Variants in PLEKHF2 observed in about 807,000 individuals in gnomAD.
The protein encoded by PLEKHF2 is pleckstrin homology and FYVE domain containing 2, also known as pleckstrin homology domain-containing family F member 2.
PLEKHF2 carries 4 observed loss-of-function variants against 14.7 expected under a neutral mutation model. That is an observed-to-expected ratio of 0.27 (90% CI 0.13 to 0.62). The LOEUF is 0.62. Ranked by LOEUF, PLEKHF2 falls within the 20% of genes least tolerant of loss-of-function variation. PLEKHF2 has a pLI of 0.85. For missense variants in PLEKHF2, 201 were observed against 307.7 expected, an observed-to-expected ratio of 0.65 and a Z score of 2.60; for synonymous variants, 90 against 103.5, an observed-to-expected ratio of 0.87 and a Z score of 0.79.
chr8:95,136,333 T>TACACAC (rs34457137), intron 1 of PLEKHF2, among the ~76,000 whole-genome samples: 37 of 124,006 alleles, frequency 3.0e-4, no homozygotes, highest in East Asian at 1.6e-3. Context: ...TTATTATATA[T>TACACAC]ACACACACAC....
chr8:95,141,215 C>T (rs1413093680), intron 1 of PLEKHF2, among the ~76,000 whole-genome samples: 1 of 152,186 alleles, frequency 6.6e-6, no homozygotes, highest in African/African-American at 2.4e-5. Context: ...TAGCTTTACT[C>T]TTCTATATCC....
Position 95,154,031 on chromosome 8 carries a change from G to T in PLEKHF2, c.-14G>T. 1.3e-6 allele frequency: 2 copies of T among 1,525,112 alleles called. No homozygotes were observed. The highest frequency in any genetic ancestry group is 1.8e-6 in the Non-Finnish European group (2 of 1,136,580). The allele number at this position is 1,525,112 out of a possible 1,614,324, so 94.5% of individuals were successfully genotyped here. A position where few individuals can be genotyped will look rare whatever the true frequency, so the allele number is the denominator to read the frequency against. ...AATTTCTTTTTCTTTTTTTTAAAAG[G>T]CTATTAGTGAAAGATGGTGGATCGC... On this transcript the variant is annotated splice_region_variant and 5_prime_UTR_variant, in exon 2 of 2. Transcript: ENST00000315367. This position sits in a 1 kb window ranked among gnomAD's most constrained non-coding sequence, Gnocchi z 5.6.
In PLEKHF2 at chr8:95,139,039, A is replaced by G. The variant is rs888836566; in HGVS notation, c.-15+5009A>G. 3.3e-5 allele frequency among the ~76,000 whole-genome samples: 5 copies of G among 152,338 alleles called. No homozygotes were observed. In the East Asian group the frequency reaches 7.7e-4, roughly 23 times the overall value. ...GAATATAAGGGTCCATTTTTACCAC[A>G]TCTTAGGTGAGTAATATATGAATAT... On this transcript the variant is annotated intron_variant, in intron 1 of 1. Transcript: ENST00000315367.
intron 1 of PLEKHF2, among the ~76,000 whole-genome samples, chr8:95,141,193 G>A (rs746607729): frequency 1.5e-4 from 23 of 152,102 alleles, no homozygotes; most frequent in Non-Finnish European, 2.6e-4. Context: ...CTAAAACCCT[G>A]GAGATTAATT....
intron 1 of PLEKHF2, among the ~76,000 whole-genome samples, chr8:95,136,278 T>C (rs1051714978): frequency 6.6e-6 from 1 of 152,010 alleles, no homozygotes; most frequent in African/African-American, 2.4e-5. Context: ...TGTAGTCTTT[T>C]TCCCAATACA....
intron 1 of PLEKHF2, among the ~76,000 whole-genome samples, chr8:95,139,276 G>A (rs1810413632): frequency 6.6e-6 from 1 of 152,158 alleles, no homozygotes; most frequent in Non-Finnish European, 1.5e-5. Flanking sequence ...GGCCAAGATG[G>A]GCAGGTCAGA....
At chr8:95,139,844 A>G (rs2132105407) in intron 1 of PLEKHF2, among the ~76,000 whole-genome samples, 1 of 143,898 alleles carries the variant, frequency 6.9e-6, no homozygotes, top group African/African-American at 2.6e-5. Context: ...CCCACTGCTG[A>G]TTGTGACCTT....
Position 95,154,577 on chromosome 8 carries a change from G to T in PLEKHF2, c.533G>T (p.Cys178Phe). The T allele has an allele frequency of 6.2e-7, 1 of 1,614,134 alleles. No homozygotes were observed. The change falls in exon 2 of 2, where the codon TGT (cysteine) becomes TTT (phenylalanine). Residue 178 changes from cysteine to phenylalanine, a missense_variant. Physicochemically the swap from Cys to Phe is radical, Grantham distance 205 (BLOSUM62 -2). Coordinates refer to ENST00000315367, the MANE Select transcript of PLEKHF2 (RefSeq NM_024613.4). This position sits in a 1 kb window ranked among gnomAD's most constrained non-coding sequence, Gnocchi z 5.6. The stretch of plus-strand genomic sequence containing the variant: ...AATCGTCGCCACCATTGCCGCAAAT[G>T]TGGTTTTGTTGTCTGTGGGCCCTGC... ...PVNRRHHCRKCGFVVCGPCSE... is the reference protein window; with the variant it reads ...PVNRRHHCRKFGFVVCGPCSE...
chr8:95,149,107 T>G (rs1810531935), intron 1 of PLEKHF2, among the ~76,000 whole-genome samples: 1 of 152,088 alleles, frequency 6.6e-6, no homozygotes, highest in South Asian at 2.1e-4. Flanking sequence ...ATGCAAGTGA[T>G]TAATAAACAC....
intron 1 of PLEKHF2, among the ~76,000 whole-genome samples, chr8:95,135,494 C>T (rs909756333): frequency 4.6e-5 from 7 of 152,224 alleles, no homozygotes; most frequent in Middle Eastern, 3.4e-3. Context: ...GCCTCAAACT[C>T]CCGGGGCCCA....
At chr8:95,140,789 G>GTT (rs34384137) in intron 1 of PLEKHF2, among the ~76,000 whole-genome samples, 50 of 151,812 alleles carry the variant, frequency 3.3e-4, no homozygotes, top group South Asian at 8.3e-4. Flanking sequence ...CTTTACCACT[G>GTT]TTTTTTTTGT....
chr8:95,141,760 G>A (rs1378138229), intron 1 of PLEKHF2, among the ~76,000 whole-genome samples: 5 of 149,100 alleles, frequency 3.4e-5, no homozygotes, highest in African/African-American at 7.4e-5. Flanking sequence ...GGCTGGTATC[G>A]AACTCCTGAC....
intron 1 of PLEKHF2, among the ~76,000 whole-genome samples, chr8:95,141,965 T>C (rs962762152): frequency 6.6e-6 from 1 of 152,226 alleles, no homozygotes; most frequent in African/African-American, 2.4e-5. Context: ...CTGTATTCTC[T>C]GTGCCATGCC....
At chr8:95,150,768 T>G (rs1273919774) in intron 1 of PLEKHF2, among the ~76,000 whole-genome samples, 1 of 152,142 alleles carries the variant, frequency 6.6e-6, no homozygotes, top group East Asian at 1.9e-4. Context: ...GCAATGAAGG[T>G]CCAGAGGTTA....
chr8:95,142,168 A>G (rs1810446621), intron 1 of PLEKHF2, among the ~76,000 whole-genome samples: 1 of 152,134 alleles, frequency 6.6e-6, no homozygotes, highest in Non-Finnish European at 1.5e-5. Flanking sequence ...TACTAAAGAA[A>G]ATTGGTCAGG....
intron 1 of PLEKHF2, among the ~76,000 whole-genome samples, chr8:95,147,201 G>T (rs535190422): frequency 6.6e-6 from 1 of 152,040 alleles, no homozygotes; most frequent in East Asian, 1.9e-4. Flanking sequence ...ATTAAAAAAT[G>T]GTTCTAAACC....
In PLEKHF2 at chr8:95,140,145, A is replaced by T. The variant is rs182923888; in HGVS notation, c.-15+6115A>T. Among the ~76,000 whole-genome samples, 120 of 152,262 alleles carry T rather than the reference A, an allele frequency of 7.9e-4. 2 individuals carry two copies. The East Asian group carries it at 0.015, about 20-fold the overall frequency. ...GATGCCCTGGAGGACTTCAAGATAA[A>T]CATGTCCCAAACTGATTTCTTCTCT... On this transcript the variant is annotated intron_variant, in intron 1 of 1. Transcript: ENST00000315367.
At chr8:95,142,539 C>T (rs898663824) in intron 1 of PLEKHF2, among the ~76,000 whole-genome samples, 1 of 152,162 alleles carries the variant, frequency 6.6e-6, no homozygotes, top group Non-Finnish European at 1.5e-5. Context: ...CAGGCTTGTG[C>T]CATTATGCCC....
chr8:95,151,858 T>C (rs1810568303), intron 1 of PLEKHF2, among the ~76,000 whole-genome samples: 1 of 152,112 alleles, frequency 6.6e-6, no homozygotes, highest in Non-Finnish European at 1.5e-5. Context: ...TTACCATTGT[T>C]GATAGTATAG....
Sources: gnomAD v4.1 joint callset for allele counts (sites outside exome capture counted in the v4.1 genomes callset) on GRCh38, gnomAD v4.1.1 for gene constraint, Gnocchi (gnomAD v3.1) non-coding constraint, MANE v1.5 for transcripts, NCBI Gene and HGNC (gene_info 2026-07-23, HGNC 2026-07-21) for gene names.